The following ANKEF1 variants were observed in gnomAD, a reference collection of about 807,000 sequenced individuals.
ANKEF1 encodes ankyrin repeat and EF-hand domain-containing protein 1.
A neutral mutation model predicts 65.1 loss-of-function variants in ANKEF1; 43 were observed. The ratio of observed to expected loss-of-function variants is 0.66; its 90% CI spans 0.52 to 0.85. The LOEUF is 0.85. Ranked by LOEUF, ANKEF1 falls within the 40% of genes least tolerant of loss-of-function variation. The probability of loss-of-function intolerance (pLI) is 0.00; values close to 1 mark genes in which losing one functional copy is unlikely to be tolerated. For missense variants in ANKEF1, 934 were observed against 952.9 expected (o/e 0.98, Z 0.26); for synonymous variants, 316 against 341.5 (o/e 0.93, Z 0.82).
At chr20:10,049,162 G>A (rs1226132149) in intron 6 of ANKEF1, among the ~76,000 whole-genome samples, 1 of 152,040 alleles carries the variant, frequency 6.6e-6, no homozygotes, top group Non-Finnish European at 1.5e-5. Flanking sequence ...ATTGTAAATT[G>A]TAAACGTATC....
rs1336694105 is a variant in ANKEF1 at position 10,058,250 on chromosome 20, G to C, written c.*2590G>C. ...TGCTATTGTGTTGAGTTCAATTGTT[G>C]TCTTTTCTCAAGCTTACTTTATTGC... On this transcript the variant is annotated 3_prime_UTR_variant, in exon 11 of 11. Coordinates refer to ENST00000378392, the MANE Select transcript of ANKEF1 (RefSeq NM_022096.6). The C allele has an allele frequency of 6.6e-6, 1 of 152,054 alleles. No homozygotes were observed. Among genetic ancestry groups the C allele is most frequent in the Admixed American group, 6.6e-5 (1 of 15,266 alleles). 9.4% of individuals were successfully genotyped at this position (152,054 alleles called of 1,614,324 possible).
chr20:10,047,467 G>A (rs766371317), intron 6 of ANKEF1, among the ~76,000 whole-genome samples: 1 of 152,326 alleles, frequency 6.6e-6, no homozygotes, highest in Middle Eastern at 3.4e-3. Flanking sequence ...TCAAATGCTT[G>A]TTTCTGAATA....
intron 4 of ANKEF1, among the ~76,000 whole-genome samples, chr20:10,044,134 A>G (rs1984364939): frequency 6.6e-6 from 1 of 152,180 alleles, no homozygotes; most frequent in South Asian, 2.1e-4. Context: ...TTTGCAAGAA[A>G]TACATTTTTT....
chr20:10,044,533 G>C lies in ANKEF1; in HGVS notation c.686G>C (p.Gly229Ala), dbSNP rs748792880. 1 of 1,613,874 alleles carries C rather than the reference G, an allele frequency of 6.2e-7. No individual in the cohort carries two copies. The highest frequency in any genetic ancestry group is 8.5e-7 in the Non-Finnish European group (1 of 1,179,906). Residue 229 changes from glycine (G) to alanine (A), a missense_variant, in exon 5 of 11, where the codon GGC (glycine) becomes GCC (alanine). Coordinates refer to ENST00000378392, the MANE Select transcript of ANKEF1 (RefSeq NM_022096.6). ...GCTGCTCATTTTGCTGCTAAAGGAG[G>C]CTTTTTCGATGTAATAATCTATTCT... ...HHAAHFAAKG[G>A]FFDILKLLFA...
chr20:10,045,333 G>A (rs1005233134), intron 5 of ANKEF1, among the ~76,000 whole-genome samples: 1 of 152,166 alleles, frequency 6.6e-6, no homozygotes, highest in African/African-American at 2.4e-5. Flanking sequence ...CATATTCTAT[G>A]TTTGTGCTAT....
chr20:10,042,666 A>G (rs1449252280), intron 3 of ANKEF1, among the ~76,000 whole-genome samples: 1 of 152,222 alleles, frequency 6.6e-6, no homozygotes, highest in Non-Finnish European at 1.5e-5. Context: ...TTACTGCTAT[A>G]CCGACAGCCT....
intron 4 of ANKEF1, 58 bp downstream of exon 4, chr20:10,043,379 C>G: frequency 6.7e-7 from 1 of 1,499,930 alleles, no homozygotes; most frequent in South Asian, 1.2e-5. Context: ...ATAGTATAAT[C>G]TTTTCATTTA....
intron 6 of ANKEF1, among the ~76,000 whole-genome samples, chr20:10,047,638 C>T (rs1984593632): frequency 6.6e-6 from 1 of 152,190 alleles, no homozygotes; most frequent in Admixed American, 6.5e-5. Context: ...CATCCAAGGG[C>T]AGAGGAGAGG....
intron 6 of ANKEF1, among the ~76,000 whole-genome samples, chr20:10,048,266 TC>T (rs869209810): frequency 1.8e-4 from 19 of 104,096 alleles, no homozygotes; most frequent in East Asian, 1.4e-3. Context: ...GATTTATTTT[TC>T]TTTTTTTACT....
At chr20:10,050,282 C>G in intron 7 of ANKEF1, 70 bp downstream of exon 7, 2 of 1,300,230 alleles carry the variant, frequency 1.5e-6, no homozygotes, top group Non-Finnish European at 2.1e-6. Flanking sequence ...GAAAAGATGA[C>G]CGAATTTTAG....
chr20:10,054,742 C>T (rs1985052164), intron 10 of ANKEF1, 143 bp downstream of exon 10: 1 of 821,090 alleles, frequency 1.2e-6, no homozygotes, highest in African/African-American at 1.8e-5. Flanking sequence ...TTGCCAGGTT[C>T]TGGTACTTTC....
intron 3 of ANKEF1, among the ~76,000 whole-genome samples, chr20:10,042,669 G>A (rs561977934): frequency 1.3e-5 from 2 of 152,226 alleles, no homozygotes; most frequent in South Asian, 2.1e-4. Context: ...CTGCTATACC[G>A]ACAGCCTGCT....
At chr20:10,044,625 A>C in intron 5 of ANKEF1, 82 bp downstream of exon 5, 1 of 1,411,210 alleles carries the variant, frequency 7.1e-7, no homozygotes, top group Non-Finnish European at 9.6e-7. Flanking sequence ...TGTCATATAG[A>C]GTACGCTAAG....
intron 10 of ANKEF1, 103 bp from the exon 11 acceptor site, chr20:10,055,399 A>C: frequency 9.1e-7 from 1 of 1,097,788 alleles, no homozygotes; most frequent in East Asian, 2.5e-5. Flanking sequence ...ACTATAAACA[A>C]ATTTTTAAGT....
chr20:10,053,390 G>C, intron 9 of ANKEF1, 115 bp downstream of exon 9: 7 of 828,108 alleles, frequency 8.5e-6, no homozygotes, highest in African/African-American at 1.7e-5. Context: ...ATAATATGCA[G>C]TGCATACTTT....
rs772281145 is a variant in ANKEF1, at chr20:10,055,520, A to G, written c.2191A>G (p.Thr731Ala). ...IPRRIWSPEA[T>A]TAELIRKREL... ...TTTTAAGATTTGGAGTCCTGAAGCC[A>G]CAACAGCAGAGCTGATCAGGAAGAG... Residue 731 changes from threonine to alanine, a missense_variant, in exon 11 of 11, where the codon ACA becomes GCA. Transcript: ENST00000378392. 6.2e-6 allele frequency: 10 copies of G among 1,613,712 alleles called. No individual in the cohort carries two copies. The highest frequency in any genetic ancestry group is 3.3e-5 in the South Asian group (3 of 91,060).
At chr20:10,049,332 C>G in intron 6 of ANKEF1, 58 bp from the exon 7 acceptor site, 1 of 1,472,772 alleles carries the variant, frequency 6.8e-7, no homozygotes, top group Non-Finnish European at 9.2e-7. Flanking sequence ...ATGAGTGTCA[C>G]TTATAGCCAT....
At chr20:10,048,571 A>G (rs1259858650) in intron 6 of ANKEF1, among the ~76,000 whole-genome samples, 1 of 152,174 alleles carries the variant, frequency 6.6e-6, no homozygotes, top group East Asian at 1.9e-4. Context: ...GAAAGTATTA[A>G]TCTTGAAAAA....
In ANKEF1 at chr20:10,058,131, A is replaced by T. The variant is rs972964131; in HGVS notation, c.*2471A>T. The stretch of plus-strand genomic sequence containing the variant: ...TGCATTTGCAGTTGAGAGAAATGTA[A>T]ATAAAAGTAAAGCTGCAGTAATAAA... On this transcript the variant is annotated 3_prime_UTR_variant, in exon 11 of 11. Coordinates refer to ENST00000378392, the MANE Select transcript of ANKEF1 (RefSeq NM_022096.6). 3.3e-5 allele frequency: 5 copies of T among 152,180 alleles called. No individual in the cohort carries two copies. Among genetic ancestry groups the T allele is most frequent in the African/African-American group, 1.2e-4 (5 of 41,450 alleles). The allele number at this position is 152,180 out of a possible 1,614,324, so 9.4% of individuals were successfully genotyped here. A position where few individuals can be genotyped will look rare whatever the true frequency, so the allele number is the denominator to read the frequency against.
Sources: allele counts gnomAD v4.1 joint callset (sites outside exome capture counted in the v4.1 genomes callset), GRCh38; gene constraint gnomAD v4.1.1; transcripts MANE v1.5; gene names NCBI Gene and HGNC (gene_info 2026-07-23, HGNC 2026-07-21).